ZNF860: variants seen among roughly 807,000 people sequenced by gnomAD.
ZNF860 encodes zinc finger protein 860.
For synonymous variants in ZNF860, 206 were observed against 248.9 expected (o/e 0.83, Z 1.62); for missense variants, 641 against 759.2 (o/e 0.84, Z 1.83).
intron 1 of ZNF860, among the ~76,000 whole-genome samples, chr3:31,982,319 T>A (rs1381085655): frequency 6.6e-6 from 1 of 152,068 alleles, no homozygotes; most frequent in Non-Finnish European, 1.5e-5. Flanking sequence ...GTATCAAAAA[T>A]TACCTAGAAA....
chr3:31,987,088 ATGTATGTCCATATATATGTATG>A (rs1426521230), intron 1 of ZNF860, among the ~76,000 whole-genome samples: 4 of 149,914 alleles, frequency 2.7e-5, no homozygotes, highest in African/African-American at 2.5e-5. Context: ...ACTTTTATAT[ATGTATGTCCATATATATGTATG>A]TGTATACACA....
downstream of ZNF860, among the ~76,000 whole-genome samples, chr3:31,994,591 C>A (rs1699069794): frequency 6.6e-6 from 1 of 152,104 alleles, no homozygotes; most frequent in African/African-American, 2.4e-5. Flanking sequence ...TTTCTAAGAT[C>A]TTTTGGGTAG....
the ZNF860 span, among the ~76,000 whole-genome samples, chr3:32,004,487 A>C: frequency 6.6e-6 from 1 of 152,274 alleles, no homozygotes; most frequent in Non-Finnish European, 1.5e-5. Flanking sequence ...GAGTCAGAAC[A>C]CAGGGACAAA....
At position 31,990,679 on chromosome 3, in the gene ZNF860, G is replaced by A. The variant is rs1575080301; in HGVS notation, c.1600G>A (p.Gly534Arg). Reference protein sequence around the residue: ...TLARHHRLHTGEKPYKCEECD... With the variant: ...TLARHHRLHTREKPYKCEECD... ...TGCACGTCATCATAGACTTCATACT[G>A]GAGAGAAACCTTACAAATGTGAAGA... Residue 534 changes from glycine to arginine, a missense_variant, in exon 2 of 2, where the codon GGA becomes AGA. Transcript: ENST00000360311. The A allele has an allele frequency of 6.2e-7, 1 of 1,614,144 alleles. No homozygotes were observed. The highest frequency in any genetic ancestry group is 1.1e-5 in the South Asian group (1 of 91,074).
In ZNF860 at chr3:31,990,883, G is replaced by C; in HGVS notation, c.1804G>C (p.Ala602Pro). Residue 602 changes from alanine to proline, a missense_variant, in exon 2 of 2, where the codon GCC (alanine) becomes CCC (proline). Ala to Pro is a conservative substitution (Grantham distance 27). Coordinates refer to ENST00000360311, the MANE Select transcript of ZNF860 (RefSeq NM_001137674.3). The stretch of plus-strand genomic sequence containing the variant: ...TCACAAGTGTGATGATTGTGGCAAA[G>C]CCTTTACTTCACATTCACATCGCAT... ...KHHKCDDCGK[A>P]FTSHSHRIRH... 1 of 1,576,054 alleles carries C rather than the reference G, an allele frequency of 6.3e-7. No individual in the cohort carries two copies. Among genetic ancestry groups the C allele is most frequent in the East Asian group, 2.3e-5 (1 of 42,728 alleles).
At position 31,988,809 on chromosome 3, in the gene ZNF860, T is replaced by G. The variant is rs931701323; in HGVS notation, c.-271T>G. Reference sequence around the variant, plus strand: ...CCTGCTAACAGCCATGTGAGTGACCTTGGAAGTAGGTTGTCACCAGTCAAG... The same window carrying G: ...CCTGCTAACAGCCATGTGAGTGACCGTGGAAGTAGGTTGTCACCAGTCAAG... On this transcript the variant is annotated 5_prime_UTR_variant, in exon 2 of 2. Transcript: ENST00000360311. 28 of 503,720 alleles carry G rather than the reference T, an allele frequency of 5.6e-5. No individual in the cohort carries two copies. In the Admixed American group the frequency reaches 9.4e-4, roughly 17 times the overall value. 31.2% of individuals were successfully genotyped at this position (503,720 alleles called of 1,614,324 possible).
In ZNF860 at chr3:31,981,775, C is replaced by T. The variant is rs1274443245; in HGVS notation, c.-548C>T. On this transcript the variant is annotated 5_prime_UTR_variant, in exon 1 of 2. Coordinates refer to ENST00000360311, the MANE Select transcript of ZNF860 (RefSeq NM_001137674.3). This position sits in a 1 kb window ranked among gnomAD's most constrained non-coding sequence, Gnocchi z 4.5. ...GCACACTCCCTCTCTCGGTCTTCCG[C>T]ACACGATGCTGCGCCAGACGCTCCT... 1 of 152,298 alleles carries T rather than the reference C, an allele frequency of 6.6e-6. No homozygotes were observed. Among genetic ancestry groups the T allele is most frequent in the African/African-American group, 2.4e-5 (1 of 41,442 alleles). 9.4% of individuals were successfully genotyped at this position (152,298 alleles called of 1,614,324 possible).
rs73823918 is a variant in ZNF860, at chr3:31,985,527, G to C, written c.-420-3133G>C. Among the ~76,000 whole-genome samples, 1,013 of 152,272 alleles carry C rather than the reference G, an allele frequency of 6.7e-3. 8 individuals are homozygous for C. Among genetic ancestry groups the C allele is most frequent in the African/African-American group, 0.023 (942 of 41,550 alleles). On this transcript the variant is annotated intron_variant, in intron 1 of 1. Coordinates refer to ENST00000360311, the MANE Select transcript of ZNF860 (RefSeq NM_001137674.3). ...ATCTTCTTCTCCACATGGACCTGGA[G>C]GGCTGGTCTGGAGTTTCTAGTAGTT...
At chr3:31,987,956 C>T (rs1203936668) in intron 1 of ZNF860, among the ~76,000 whole-genome samples, 1 of 152,090 alleles carries the variant, frequency 6.6e-6, no homozygotes, top group Non-Finnish European at 1.5e-5. Flanking sequence ...ACACATATTG[C>T]CTTTTGTGAT....
At chr3:31,985,391 T>A (rs569567885) in intron 1 of ZNF860, among the ~76,000 whole-genome samples, 203 of 152,356 alleles carry the variant, frequency 1.3e-3, no homozygotes, top group African/African-American at 4.6e-3. Flanking sequence ...ACAGACCATG[T>A]AAAGATTTTG....
chr3:31,984,897 A>AT (rs980281600), intron 1 of ZNF860, among the ~76,000 whole-genome samples: 1 of 152,108 alleles, frequency 6.6e-6, no homozygotes, highest in African/African-American at 2.4e-5. Context: ...GCTATGTCGA[A>AT]TTTTTTTTAC....
At chr3:32,005,442 G>GCTCACAGAGAA in the ZNF860 span, among the ~76,000 whole-genome samples, 21,892 of 151,954 alleles carry the variant, frequency 0.14, 1,609 homozygotes, top group Middle Eastern at 0.21. Context: ...TCCCTTTATG[G>GCTCACAGAGAA]ACTGTGAGCA....
chr3:31,991,010 A>T lies in ZNF860; in HGVS notation c.*32A>T. ...CTCCTTGCAAAACATCAGAAAATTC[A>T]TTCCTGAGATAATTGTTCCAAATGC... On this transcript the variant is annotated 3_prime_UTR_variant, in exon 2 of 2. Coordinates refer to ENST00000360311, the MANE Select transcript of ZNF860 (RefSeq NM_001137674.3). 6.5e-7 allele frequency: 1 copy of T among 1,528,838 alleles called. No homozygotes were observed. The highest frequency in any genetic ancestry group is 8.8e-7 in the Non-Finnish European group (1 of 1,135,510). 94.7% of individuals were successfully genotyped at this position (1,528,838 alleles called of 1,614,324 possible).
chr3:31,997,695 T>A, the ZNF860 span, among the ~76,000 whole-genome samples: 1 of 152,072 alleles, frequency 6.6e-6, no homozygotes, highest in African/African-American at 2.4e-5. Flanking sequence ...AGCGAACATC[T>A]GGAGATGGGA....
intron 1 of ZNF860, chr3:31,986,129 A>G (rs1334854894): frequency 2.0e-5 from 3 of 152,226 alleles, no homozygotes; most frequent in Non-Finnish European, 4.4e-5. Flanking sequence ...TGCATTTAGG[A>G]ATTGATCCTC....
rs762661353 is a variant in ZNF860, at chr3:31,989,062, A to T, written c.-18A>T. The T allele has an allele frequency of 6.2e-7, 1 of 1,613,794 alleles. No homozygotes were observed. Among genetic ancestry groups the T allele is most frequent in the South Asian group, 1.1e-5 (1 of 91,070 alleles). On this transcript the variant is annotated 5_prime_UTR_variant, in exon 2 of 2. Transcript: ENST00000360311. ...TCAGTGAAGGTCACACTGCAGCACTATTGATTTCTAAAGACTCATGTTACG... is the reference window on the plus strand; with the variant it reads ...TCAGTGAAGGTCACACTGCAGCACTTTTGATTTCTAAAGACTCATGTTACG...
chr3:31,997,963 T>C, the ZNF860 span, among the ~76,000 whole-genome samples: 1 of 151,978 alleles, frequency 6.6e-6, no homozygotes, highest in East Asian at 1.9e-4. Context: ...CTAATTTTGT[T>C]TTATTTTTTT....
the ZNF860 span, among the ~76,000 whole-genome samples, chr3:32,000,004 A>G: frequency 6.6e-6 from 1 of 152,162 alleles, no homozygotes; most frequent in Admixed American, 6.5e-5. Flanking sequence ...CTCAGCTATA[A>G]CAGGGAGATG....
At chr3:32,005,868 G>T in the ZNF860 span, among the ~76,000 whole-genome samples, 1 of 152,082 alleles carries the variant, frequency 6.6e-6, no homozygotes, top group Non-Finnish European at 1.5e-5. Context: ...ATTACAGGGT[G>T]AGCCACCGTG....
Sources: allele counts gnomAD v4.1 joint callset (sites outside exome capture counted in the v4.1 genomes callset), GRCh38; gene constraint gnomAD v4.1.1; non-coding constraint Gnocchi (gnomAD v3.1); transcripts MANE v1.5; gene names NCBI Gene and HGNC (gene_info 2026-07-23, HGNC 2026-07-21).